The following LIMA1 variants were observed in gnomAD, a reference collection of about 807,000 sequenced individuals.
LIMA1 encodes the protein LIM domain and actin-binding protein 1.
A neutral mutation model predicts 62.6 loss-of-function variants in LIMA1; 52 were observed. The ratio of observed to expected loss-of-function variants is 0.83; its 90% CI spans 0.67 to 1.05. LIMA1 has a LOEUF of 1.05. Ranked by LOEUF, LIMA1 falls within the 50% of genes least tolerant of loss-of-function variation. The pLI, the probability that LIMA1 is intolerant of heterozygous loss-of-function variation, is 0.00. For missense variants in LIMA1, 780 were observed against 902.2 expected, an observed-to-expected ratio of 0.86 and a Z score of 1.74; for synonymous variants, 302 against 317.8, an observed-to-expected ratio of 0.95 and a Z score of 0.53.
chr12:50,178,125 AC>A, intron 10 of LIMA1, 56 bp from the exon 11 acceptor site: 1 of 1,316,420 alleles, frequency 7.6e-7, no homozygotes, highest in Non-Finnish European at 1.0e-6. Flanking sequence ...TCTCACTTAT[AC>A]CAGGAGGCTA....
intron 7 of LIMA1, among the ~76,000 whole-genome samples, chr12:50,196,896 T>G (rs770028057): frequency 6.6e-6 from 1 of 152,204 alleles, no homozygotes; most frequent in Non-Finnish European, 1.5e-5. Flanking sequence ...TGCCAGGTAT[T>G]CAACTAATCG....
At chr12:50,204,722 G>A (rs1474794099) in intron 5 of LIMA1, 22 bp from the exon 6 acceptor site, 1 of 1,611,926 alleles carries the variant, frequency 6.2e-7, no homozygotes, top group Non-Finnish European at 8.5e-7. Flanking sequence ...CAAATAACAT[G>A]TTTTATTTTA....
In LIMA1 at chr12:50,177,259, T is replaced by C. The variant is rs2138363232; in HGVS notation, c.2085A>G (p.Lys695=). ...DSDEDDNSFL[K]QQSPQEPKSL... ...ACTTGGGTTCTTGTGGAGATTGTTG[T>C]TTGAGGAAGCTGTTATCATCTTCAT... The change falls in exon 11 of 11, where the codon AAA becomes AAG. Residue 695 remains lysine (K), a synonymous_variant. Coordinates refer to ENST00000341247, the MANE Select transcript of LIMA1 (RefSeq NM_016357.5). 6.2e-7 allele frequency: 1 copy of C among 1,614,142 alleles called. No homozygotes were observed. Among genetic ancestry groups the C allele is most frequent in the African/African-American group, 1.3e-5 (1 of 75,056 alleles).
At chr12:50,275,754 AGAGAAT>A (rs925212031) in intron 1 of LIMA1, among the ~76,000 whole-genome samples, 2 of 152,116 alleles carry the variant, frequency 1.3e-5, no homozygotes, top group Non-Finnish European at 2.9e-5. Flanking sequence ...TCCAGGAAAC[AGAGAAT>A]TATTGTAGGG....
chr12:50,178,141 C>T, intron 10 of LIMA1, 72 bp from the exon 11 acceptor site: 1 of 1,195,516 alleles, frequency 8.4e-7, no homozygotes, highest in Non-Finnish European at 1.1e-6. Flanking sequence ...AGGCTAAAAT[C>T]TGGCAATTCC....
At chr12:50,196,004 G>T in intron 7 of LIMA1, 117 bp from the exon 8 acceptor site, 2 of 1,049,268 alleles carry the variant, frequency 1.9e-6, no homozygotes, top group Non-Finnish European at 2.6e-6. Context: ...GTCACTGGCT[G>T]CCTAGGGGAA....
rs972348779 is a variant in LIMA1, at chr12:50,229,163, C to T, written c.165+2502G>A. The stretch of plus-strand genomic sequence containing the variant: ...ATTATAATTGTCTCTTAATTGGTCT[C>T]CATGCTCCTGCCATTATTGTTCCTC... On this transcript the variant is annotated intron_variant, in intron 3 of 10. Coordinates refer to ENST00000341247, the MANE Select transcript of LIMA1 (RefSeq NM_016357.5). Among the ~76,000 whole-genome samples, 5 of 152,294 alleles carry T rather than the reference C, an allele frequency of 3.3e-5. No homozygotes were observed. In the South Asian group the frequency reaches 1.0e-3, roughly 32 times the overall value.
intron 4 of LIMA1, among the ~76,000 whole-genome samples, chr12:50,211,433 A>G (rs1423228752): frequency 6.7e-6 from 1 of 150,068 alleles, no homozygotes; most frequent in African/African-American, 2.5e-5. Flanking sequence ...GCTTGAGGCC[A>G]GGAGTTTGAG....
At chr12:50,183,532 G>C (rs1189493662) in intron 9 of LIMA1, among the ~76,000 whole-genome samples, 1 of 152,086 alleles carries the variant, frequency 6.6e-6, no homozygotes, top group African/African-American at 2.4e-5. Context: ...ATCCAAAATA[G>C]GCTGGGTGTA....
intron 9 of LIMA1, among the ~76,000 whole-genome samples, chr12:50,184,014 T>C (rs1940571818): frequency 6.6e-6 from 1 of 152,022 alleles, no homozygotes; most frequent in South Asian, 2.1e-4. Context: ...AAATTAGTGG[T>C]AAACTCCCAA....
At chr12:50,275,925 G>A (rs548768168) in intron 1 of LIMA1, among the ~76,000 whole-genome samples, 1 of 152,214 alleles carries the variant, frequency 6.6e-6, no homozygotes, top group East Asian at 1.9e-4. Context: ...TAAATCTCTT[G>A]AGGTACTTGA....
At chr12:50,238,506 C>CA (rs1177321264) in intron 2 of LIMA1, among the ~76,000 whole-genome samples, 22 of 149,024 alleles carry the variant, frequency 1.5e-4, no homozygotes, top group Admixed American at 3.4e-4. Context: ...GACTCTGTCT[C>CA]AAAAAAAACA....
At chr12:50,180,313 A>G (rs1328663153) in intron 10 of LIMA1, among the ~76,000 whole-genome samples, 1 of 151,588 alleles carries the variant, frequency 6.6e-6, no homozygotes, top group Non-Finnish European at 1.5e-5. Context: ...AAAAAAAAAA[A>G]AAAAGAAAGA....
At chr12:50,179,995 T>C (rs1940458578) in intron 10 of LIMA1, among the ~76,000 whole-genome samples, 1 of 151,014 alleles carries the variant, frequency 6.6e-6, no homozygotes, top group Non-Finnish European at 1.5e-5. Context: ...TGAAACCCCA[T>C]CTCTACTAAG....
At chr12:50,253,794 G>C (rs1941959214) in intron 1 of LIMA1, among the ~76,000 whole-genome samples, 2 of 152,140 alleles carry the variant, frequency 1.3e-5, no homozygotes, top group South Asian at 2.1e-4. Context: ...GGGAGGCTGA[G>C]GCAGGCGGAT....
intron 8 of LIMA1, among the ~76,000 whole-genome samples, chr12:50,193,641 T>G (rs1399643797): frequency 1.2e-5 from 1 of 85,810 alleles, no homozygotes; most frequent in African/African-American, 5.8e-5. Flanking sequence ...CGTGTGTGTG[T>G]GTGTGTGTGT....
intron 2 of LIMA1, among the ~76,000 whole-genome samples, chr12:50,242,297 G>C (rs765504636): frequency 3.6e-4 from 55 of 151,784 alleles, no homozygotes; most frequent in Non-Finnish European, 6.0e-4. Context: ...AGGCTGACTT[G>C]AAGGTCAATT....
chr12:50,269,285 C>T (rs543640539), intron 1 of LIMA1, among the ~76,000 whole-genome samples: 8 of 152,154 alleles, frequency 5.3e-5, no homozygotes, highest in Non-Finnish European at 1.2e-4. Flanking sequence ...GAATTATTAC[C>T]GACTCACTTT....
Position 50,176,800 on chromosome 12 carries a change from C to A in LIMA1, c.*264G>T. 2.9e-6 allele frequency: 1 copy of A among 339,158 alleles called. No homozygotes were observed. 21.0% of individuals were successfully genotyped at this position (339,158 alleles called of 1,614,324 possible). ...TGGGCTATTATCAGGTGGAATATTT[C>A]CCCAGTTACAAGCCTTACAGCACTT... On this transcript the variant is annotated 3_prime_UTR_variant, in exon 11 of 11. Coordinates refer to ENST00000341247, the MANE Select transcript of LIMA1 (RefSeq NM_016357.5).
Sources: allele counts gnomAD v4.1 joint callset (sites outside exome capture counted in the v4.1 genomes callset), GRCh38; gene constraint gnomAD v4.1.1; transcripts MANE v1.5; gene names NCBI Gene and HGNC (gene_info 2026-07-23, HGNC 2026-07-21).